PRKAG2: variants seen among roughly 807,000 people sequenced by gnomAD.
PRKAG2 encodes the protein protein kinase AMP-activated non-catalytic subunit gamma 2.
PRKAG2 carries 26 observed loss-of-function variants against 69.6 expected under a neutral mutation model. That is an observed-to-expected ratio of 0.37 (90% confidence interval 0.27 to 0.52). The LOEUF (loss-of-function observed/expected upper bound fraction) is 0.52, where lower values mean the gene tolerates loss of function less well. Among genes scored for constraint, PRKAG2 ranks in the 20% least tolerant of loss-of-function variants. The probability of loss-of-function intolerance (pLI) is 0.90; values close to 1 mark genes in which losing one functional copy is unlikely to be tolerated. For synonymous variants in PRKAG2, 293 were observed against 285.0 expected (o/e 1.03, Z -0.28); for missense variants, 557 against 740.0 (o/e 0.75, Z 2.87).
In PRKAG2 at chr7:151,742,554, G is replaced by T. The variant is rs180729590; in HGVS notation, c.466+38598C>A. Among the ~76,000 whole-genome samples, 356 of 152,128 alleles carry T rather than the reference G, an allele frequency of 2.3e-3. 1 individual carries two copies. Among genetic ancestry groups the T allele is most frequent in the African/African-American group, 7.9e-3 (328 of 41,516 alleles). On this transcript the variant is annotated intron_variant, in intron 3 of 15. Transcript: ENST00000287878. ...CAGGAGAATCACTTGAACCCGGGAG[G>T]CGGAGGTTGCAGTGAACCGAGATTG... is the stretch of plus-strand genomic sequence containing the variant.
rs527545741 is a variant in PRKAG2 at position 151,782,037 on chromosome 7, C to T, written c.187-606G>A. 1.9e-3 allele frequency among the ~76,000 whole-genome samples: 289 copies of T among 151,822 alleles called. 1 individual carries two copies. Among genetic ancestry groups the T allele is most frequent in the Non-Finnish European group, 3.3e-3 (221 of 67,952 alleles). ...CTGTAATCCCAGCATTTTGGAAGGC[C>T]GAGGCGGGTGGATCAACTGAGGTCA... is the stretch of plus-strand genomic sequence containing the variant. On this transcript the variant is annotated intron_variant, in intron 2 of 15. Coordinates refer to ENST00000287878, the MANE Select transcript of PRKAG2 (RefSeq NM_016203.4).
At chr7:151,761,575 C>T (rs2075414714) in intron 3 of PRKAG2, among the ~76,000 whole-genome samples, 1 of 152,172 alleles carries the variant, frequency 6.6e-6, no homozygotes, top group African/African-American at 2.4e-5. Context: ...CACCCATTCC[C>T]TAGTCCCTGC....
chr7:151,812,012 T>G (rs1410228692), intron 1 of PRKAG2, among the ~76,000 whole-genome samples: 1 of 152,206 alleles, frequency 6.6e-6, no homozygotes, highest in Non-Finnish European at 1.5e-5. Context: ...TCATGAAAAT[T>G]ATAATAATTA....
chr7:151,861,927 A>G (rs1027775031), intron 1 of PRKAG2, among the ~76,000 whole-genome samples: 2 of 151,114 alleles, frequency 1.3e-5, no homozygotes, highest in African/African-American at 4.9e-5. Flanking sequence ...CAAGATAAAA[A>G]CCATCCCATC....
intron 1 of PRKAG2, among the ~76,000 whole-genome samples, chr7:151,800,599 A>G (rs756224008): frequency 3.9e-5 from 6 of 152,124 alleles, no homozygotes; most frequent in Non-Finnish European, 8.8e-5. Flanking sequence ...TCAGGCCCCA[A>G]GGCATGAGCA....
At chr7:151,607,896 C>G (rs2151199490) in intron 5 of PRKAG2, among the ~76,000 whole-genome samples, 1 of 152,272 alleles carries the variant, frequency 6.6e-6, no homozygotes, top group East Asian at 1.9e-4. Flanking sequence ...GACAGGTCCA[C>G]TGGAAACATC....
At chr7:151,653,127 CA>C (rs1228406818) in intron 4 of PRKAG2, among the ~76,000 whole-genome samples, 2 of 148,774 alleles carry the variant, frequency 1.3e-5, no homozygotes, top group African/African-American at 5.2e-5. Flanking sequence ...ATCATCATAG[CA>C]GAGCCTAGTA....
At chr7:151,874,091 GATGTATATGTATATGATGTAT>G (rs2080293655) in intron 1 of PRKAG2, among the ~76,000 whole-genome samples, 2 of 134,392 alleles carry the variant, frequency 1.5e-5, no homozygotes, top group African/African-American at 2.8e-5. Flanking sequence ...ATATGTATAT[GATGTATATGTATATGATGTAT>G]ATGTATATGT....
intron 3 of PRKAG2, among the ~76,000 whole-genome samples, chr7:151,766,596 G>C (rs1288079814): frequency 6.6e-6 from 1 of 152,194 alleles, no homozygotes; most frequent in Non-Finnish European, 1.5e-5. Flanking sequence ...TTTAGAAAGG[G>C]GGACTGGGGA....
rs141162584 is a variant in PRKAG2 at position 151,600,323 on chromosome 7, G to A, written c.755-4869C>T. Among the ~76,000 whole-genome samples, 220 of 152,314 alleles carry A rather than the reference G, an allele frequency of 1.4e-3. 2 individuals carry two copies. Among genetic ancestry groups the A allele is most frequent in the African/African-American group, 5.2e-3 (216 of 41,572 alleles). ...AAATATCTGAGAAGAAAAACATGTA[G>A]TGTATAAGCTAATTAGCAAAACAAG... On this transcript the variant is annotated intron_variant, in intron 5 of 15. Coordinates refer to ENST00000287878, the MANE Select transcript of PRKAG2 (RefSeq NM_016203.4).
intron 8 of PRKAG2, 129 bp downstream of exon 8, chr7:151,574,762 C>G: frequency 7.6e-7 from 1 of 1,307,740 alleles, no homozygotes; most frequent in Middle Eastern, 2.2e-4. Context: ...TGGAAAATCA[C>G]CATCAGCACA....
At chr7:151,688,120 T>C (rs1363041020) in intron 3 of PRKAG2, among the ~76,000 whole-genome samples, 2 of 144,506 alleles carry the variant, frequency 1.4e-5, no homozygotes, top group African/African-American at 2.5e-5. Flanking sequence ...AGGACACCAA[T>C]TCAATAGGAG....
rs190482932 is a variant in PRKAG2, at chr7:151,566,049, A to C, written c.1234-164T>G. 2.2e-4 allele frequency among the ~76,000 whole-genome samples: 34 copies of C among 152,344 alleles called. No homozygotes were observed. In the East Asian group the frequency reaches 6.0e-3, roughly 27 times the overall value. ...ACATGAGAAAATTACAAAGGACTGT[A>C]TCTTTTGTTTGAACCAGTTTGTAGG... On this transcript the variant is annotated intron_variant, in intron 11 of 15. Coordinates refer to ENST00000287878, the MANE Select transcript of PRKAG2 (RefSeq NM_016203.4).
At chr7:151,702,306 G>A (rs1013305468) in intron 3 of PRKAG2, among the ~76,000 whole-genome samples, 1 of 152,230 alleles carries the variant, frequency 6.6e-6, no homozygotes, top group African/African-American at 2.4e-5. Context: ...CCAAAAGAGA[G>A]AGGAGGCCTC....
intron 1 of PRKAG2, among the ~76,000 whole-genome samples, chr7:151,813,712 G>A (rs2078543623): frequency 6.6e-6 from 1 of 152,098 alleles, no homozygotes; most frequent in Admixed American, 6.5e-5. Flanking sequence ...AGCCACTGAG[G>A]AGGCCATCTA....
At chr7:151,708,688 G>C (rs989533549) in intron 3 of PRKAG2, among the ~76,000 whole-genome samples, 13 of 152,244 alleles carry the variant, frequency 8.5e-5, no homozygotes, top group African/African-American at 2.7e-4. Flanking sequence ...GCAGTGACCA[G>C]AGGGGATGAC....
chr7:151,826,546 C>T (rs1314338796), intron 1 of PRKAG2, among the ~76,000 whole-genome samples: 2 of 152,116 alleles, frequency 1.3e-5, no homozygotes, highest in Non-Finnish European at 2.9e-5. Flanking sequence ...AGGAAATTCC[C>T]TCTCACCTTC....
At chr7:151,798,414 A>T (rs1391494280) in intron 1 of PRKAG2, among the ~76,000 whole-genome samples, 2 of 151,884 alleles carry the variant, frequency 1.3e-5, no homozygotes, top group Admixed American at 6.6e-5. Flanking sequence ...TCCCGGGTTC[A>T]AGCGATTCTC....
intron 6 of PRKAG2, among the ~76,000 whole-genome samples, chr7:151,590,732 A>T (rs558819790): frequency 4.9e-4 from 75 of 152,320 alleles, no homozygotes; most frequent in African/African-American, 1.8e-3. Flanking sequence ...AAACTGTGAG[A>T]TCTTGCCATT....
Sources: gnomAD v4.1 joint callset for allele counts (sites outside exome capture counted in the v4.1 genomes callset) on GRCh38, gnomAD v4.1.1 for gene constraint, MANE v1.5 for transcripts, NCBI Gene and HGNC (gene_info 2026-07-23, HGNC 2026-07-21) for gene names.